Variants in PEAK1 observed in about 807,000 individuals in gnomAD.
PEAK1 encodes the protein pseudopodium enriched atypical kinase 1, also known as inactive tyrosine-protein kinase PEAK1.
A neutral mutation model predicts 124.7 loss-of-function variants in PEAK1; 54 were observed. That is an observed-to-expected ratio of 0.43 (90% CI 0.35 to 0.54). The LOEUF is 0.54. Among genes scored for constraint, PEAK1 ranks in the 20% least tolerant of loss-of-function variants. PEAK1 has a pLI of 0.01. For synonymous variants in PEAK1, 719 were observed against 760.0 expected, an observed-to-expected ratio of 0.95 and a Z score of 0.89; for missense variants, 2,046 against 2,134.5, an observed-to-expected ratio of 0.96 and a Z score of 0.82.
intron 1 of PEAK1, chr15:77,403,503 C>T: frequency 1.0e-6 from 1 of 957,958 alleles, no homozygotes; most frequent in Non-Finnish European, 1.2e-6. Flanking sequence ...AGAAATAGTA[C>T]AAATCAAGCA....
At chr15:77,401,829 C>A (rs74820557) in intron 1 of PEAK1, 16 of 983,222 alleles carry the variant, frequency 1.6e-5, no homozygotes, top group Non-Finnish European at 1.9e-5. Flanking sequence ...TTACAAGTAG[C>A]CATTAGGTAC....
At chr15:77,383,824 T>C (rs560817798) in intron 1 of PEAK1, among the ~76,000 whole-genome samples, 1 of 152,362 alleles carries the variant, frequency 6.6e-6, no homozygotes, top group African/African-American at 2.4e-5. Context: ...AGCTCTAAGA[T>C]GTAGCAATTA....
intron 6 of PEAK1, among the ~76,000 whole-genome samples, chr15:77,218,226 T>C (rs1387800758): frequency 6.6e-6 from 1 of 152,202 alleles, no homozygotes; most frequent in Admixed American, 6.5e-5. Context: ...CAAAGATGAA[T>C]ATAATGCTAT....
exon 7 of PEAK1, chr15:77,102,628 T>C (rs867856737): frequency 6.6e-6 from 1 of 152,246 alleles, no homozygotes; most frequent in East Asian, 1.9e-4. Flanking sequence ...TACCAGCACA[T>C]TGGATAAACT....
chr15:77,140,680 A>G lies in PEAK1; in HGVS notation c.3332-6930T>C, dbSNP rs528056063. Among the ~76,000 whole-genome samples the G allele has an allele frequency of 5.3e-5, 8 of 152,260 alleles. No homozygotes were observed. The South Asian group carries it at 1.2e-3, about 24-fold the overall frequency. On this transcript the variant is annotated intron_variant, in intron 8 of 9. Coordinates refer to ENST00000682557, the MANE Select transcript of PEAK1 (RefSeq NM_001385026.1). ...GACTGGAAATTTCTCCTGTAATATCAGGAACAAGACAAGGATTTGCGTTCT... is the reference window on the plus strand; with the variant it reads ...GACTGGAAATTTCTCCTGTAATATCGGGAACAAGACAAGGATTTGCGTTCT...
chr15:77,283,873 A>G lies in PEAK1; in HGVS notation c.-275+10T>C. ...CAACTCATAGACCTTATTACTTGCC[A>G]CTTCCTTACCTCTTTGTTACTGTTA... On this transcript the variant is annotated intron_variant, in intron 5 of 9. Transcript: ENST00000682557. 1 of 976,780 alleles carries G rather than the reference A, an allele frequency of 1.0e-6. No homozygotes were observed. Among genetic ancestry groups the G allele is most frequent in the Non-Finnish European group, 1.2e-6 (1 of 822,032 alleles). 60.5% of individuals were successfully genotyped at this position (976,780 alleles called of 1,614,324 possible).
intron 5 of PEAK1, among the ~76,000 whole-genome samples, chr15:77,268,364 C>T (rs1195543204): frequency 6.6e-6 from 1 of 151,788 alleles, no homozygotes; most frequent in Non-Finnish European, 1.5e-5. Flanking sequence ...ATCCCAGCTA[C>T]GCAGAAGGCT....
chr15:77,271,331 T>C, intron 5 of PEAK1, among the ~76,000 whole-genome samples: 1 of 152,174 alleles, frequency 6.6e-6, no homozygotes, highest in East Asian at 1.9e-4. Context: ...ACACTGTTGG[T>C]GGGACTGTAA....
At chr15:77,140,197 T>C (rs1001943405) in intron 8 of PEAK1, among the ~76,000 whole-genome samples, 1 of 152,136 alleles carries the variant, frequency 6.6e-6, no homozygotes, top group Non-Finnish European at 1.5e-5. Flanking sequence ...CTTTGAAAAC[T>C]TTTCCAAAAA....
At chr15:77,324,808 A>G (rs1410050247) in intron 2 of PEAK1, among the ~76,000 whole-genome samples, 1 of 152,138 alleles carries the variant, frequency 6.6e-6, no homozygotes, top group Non-Finnish European at 1.5e-5. Flanking sequence ...ATGGTACTAA[A>G]CCATTGATGA....
chr15:77,256,487 C>A (rs1455762488), intron 5 of PEAK1, among the ~76,000 whole-genome samples: 1 of 151,444 alleles, frequency 6.6e-6, no homozygotes, highest in Non-Finnish European at 1.5e-5. Context: ...GATTTTTAAT[C>A]ATAAAGTAAG....
At chr15:77,323,995 C>T (rs2065409596) in intron 2 of PEAK1, among the ~76,000 whole-genome samples, 1 of 152,156 alleles carries the variant, frequency 6.6e-6, no homozygotes, top group Non-Finnish European at 1.5e-5. Context: ...CTACAACCAT[C>T]CGATCTTTGA....
At chr15:77,102,828 T>A (rs1477476920) in exon 7 of PEAK1, 1 of 152,138 alleles carries the variant, frequency 6.6e-6, no homozygotes, top group Non-Finnish European at 1.5e-5. Flanking sequence ...AATTTCTGGG[T>A]TTTTCATGTA....
intron 8 of PEAK1, among the ~76,000 whole-genome samples, chr15:77,150,645 A>G (rs1032651101): frequency 3.4e-5 from 5 of 147,656 alleles, no homozygotes; most frequent in African/African-American, 1.2e-4. Context: ...TATATCTCCT[A>G]ATGCTATCCC....
chr15:77,339,360 C>T (rs779058796), intron 2 of PEAK1, among the ~76,000 whole-genome samples: 5 of 151,902 alleles, frequency 3.3e-5, no homozygotes, highest in Non-Finnish European at 7.4e-5. Context: ...GCCTTAGCCT[C>T]CCTAAAAGTA....
At chr15:77,151,947 C>A (rs1431185872) in intron 8 of PEAK1, among the ~76,000 whole-genome samples, 1 of 152,054 alleles carries the variant, frequency 6.6e-6, no homozygotes, top group Non-Finnish European at 1.5e-5. Flanking sequence ...GTTCTTTTGG[C>A]TTAGGATTGA....
Position 77,113,893 on chromosome 15 carries a change from T to C in PEAK1, c.*263A>G, listed in dbSNP as rs1457050079. The C allele has an allele frequency of 3.7e-5, 17 of 460,318 alleles. No homozygotes were observed. Among genetic ancestry groups the C allele is most frequent in the Non-Finnish European group, 5.4e-5 (14 of 259,808 alleles). The allele number at this position is 460,318 out of a possible 1,614,324, so 28.5% of individuals were successfully genotyped here. On this transcript the variant is annotated 3_prime_UTR_variant, in exon 10 of 10. Coordinates refer to ENST00000682557, the MANE Select transcript of PEAK1 (RefSeq NM_001385026.1). ...GGATTTTCATTTTTACCTGCATTTA[T>C]GGGACTATTAGGATAGAAGGTGTTT...
intron 2 of PEAK1, among the ~76,000 whole-genome samples, chr15:77,340,410 T>C (rs1356628784): frequency 3.3e-5 from 5 of 152,066 alleles, no homozygotes; most frequent in African/African-American, 1.2e-4. Flanking sequence ...AGTCTGAAAA[T>C]GGCAAACTTA....
At chr15:77,298,439 C>T (rs897487262) in intron 2 of PEAK1, among the ~76,000 whole-genome samples, 1 of 151,264 alleles carries the variant, frequency 6.6e-6, no homozygotes, top group South Asian at 2.1e-4. Context: ...AGGATGGTCT[C>T]GATCTCCTGA....
Sources: gnomAD v4.1 joint callset for allele counts (sites outside exome capture counted in the v4.1 genomes callset) on GRCh38, gnomAD v4.1.1 for gene constraint, MANE v1.5 for transcripts, NCBI Gene and HGNC (gene_info 2026-07-23, HGNC 2026-07-21) for gene names.